Variants in ALMS1 observed in about 807,000 individuals in gnomAD.
ALMS1 encodes the protein centrosome-associated protein ALMS1.
Under a neutral mutation model 352.2 loss-of-function variants are expected in ALMS1, and 271 were observed. The ratio of observed to expected loss-of-function variants is 0.77; its 90% CI spans 0.70 to 0.85. The LOEUF is 0.85. Among genes scored for constraint, ALMS1 ranks in the 40% least tolerant of loss-of-function variants. ALMS1 has a pLI of 0.00. For synonymous variants in ALMS1, 1,865 were observed against 1,761.2 expected (o/e 1.06, Z -1.48); for missense variants, 5,445 against 4,870.7 (o/e 1.12, Z -3.51).
chr2:73,576,730 C>T (rs942443034), intron 16 of ALMS1, among the ~76,000 whole-genome samples: 2 of 151,918 alleles, frequency 1.3e-5, no homozygotes, highest in East Asian at 1.9e-4. Context: ...AACCAATTCT[C>T]CTGCTTCAGC....
intron 16 of ALMS1, among the ~76,000 whole-genome samples, chr2:73,592,643 G>T (rs1276445016): frequency 6.6e-6 from 1 of 152,158 alleles, no homozygotes; most frequent in Non-Finnish European, 1.5e-5. Context: ...CAATCCTCCT[G>T]CCTGAAGAAT....
At chr2:73,573,477 T>C (rs1228900066) in intron 16 of ALMS1, 53 bp downstream of exon 16, 3 of 1,588,976 alleles carry the variant, frequency 1.9e-6, no homozygotes, top group Non-Finnish European at 2.6e-6. Flanking sequence ...TCATGGACTT[T>C]TTAGTTAAGC....
chr2:73,409,811 G>T (rs572553179), intron 2 of ALMS1, among the ~76,000 whole-genome samples: 2 of 152,308 alleles, frequency 1.3e-5, no homozygotes, highest in East Asian at 1.9e-4. Flanking sequence ...TGAAGACTGA[G>T]AAGTCCCAAG....
chr2:73,464,032 A>T (rs1672268815), intron 9 of ALMS1, among the ~76,000 whole-genome samples: 1 of 152,238 alleles, frequency 6.6e-6, no homozygotes, highest in Admixed American at 6.5e-5. Context: ...AGGAGCTGGT[A>T]CCATTCCTTC....
chr2:73,543,747 C>G (rs1232985105), intron 12 of ALMS1, among the ~76,000 whole-genome samples: 2 of 152,220 alleles, frequency 1.3e-5, no homozygotes, highest in East Asian at 1.9e-4. Flanking sequence ...ATTTATGCAG[C>G]CAACAGACAT....
chr2:73,432,402 T>C lies in ALMS1; in HGVS notation c.1432+111T>C. On this transcript the variant is annotated intron_variant, in intron 7 of 22. Transcript: ENST00000613296. ...TTTTAATATCTATAATAATTATACT[T>C]CAGATTAGATGTGTTTATAAATCCT... 2.2e-5 allele frequency: 16 copies of C among 728,466 alleles called. No individual in the cohort carries two copies. In the South Asian group the frequency reaches 2.4e-4, roughly 11 times the overall value. 45.1% of individuals were successfully genotyped at this position (728,466 alleles called of 1,614,324 possible).
chr2:73,581,818 C>T (rs1440587818), intron 16 of ALMS1, among the ~76,000 whole-genome samples: 1 of 151,160 alleles, frequency 6.6e-6, no homozygotes, highest in Non-Finnish European at 1.5e-5. Context: ...AATCTCAGCT[C>T]ACTGCAACCT....
chr2:73,448,492 G>A lies in ALMS1; in HGVS notation c.1965G>A (p.Val655=), dbSNP rs1553403345. Residue 655 remains valine (V), a synonymous_variant, in exon 8 of 23, where the codon GTG becomes GTA. Transcript: ENST00000613296. ...AAGTTTCAGCTGCTCCTGGCCCAGT[G>A]GAGCAGAAGACGGGAATACCTACAG... ...PLEVSAAPGP[V]EQKTGIPTVS... 6.2e-7 allele frequency: 1 copy of A among 1,613,796 alleles called. No individual in the cohort carries two copies. The highest frequency in any genetic ancestry group is 2.2e-5 in the East Asian group (1 of 44,856).
intron 15 of ALMS1, among the ~76,000 whole-genome samples, chr2:73,567,318 C>A (rs1674824866): frequency 6.6e-6 from 1 of 152,202 alleles, no homozygotes; most frequent in African/African-American, 2.4e-5. Flanking sequence ...CCTCCTTGAA[C>A]CTTTATCACT....
intron 10 of ALMS1, among the ~76,000 whole-genome samples, chr2:73,503,162 T>C (rs1673251405): frequency 6.6e-6 from 1 of 152,082 alleles, no homozygotes; most frequent in Non-Finnish European, 1.5e-5. Context: ...GTTAGTTACA[T>C]GTGTATACAT....
chr2:73,552,464 G>A (rs538885242), intron 13 of ALMS1, among the ~76,000 whole-genome samples: 6 of 152,348 alleles, frequency 3.9e-5, no homozygotes, highest in Admixed American at 2.6e-4. Context: ...TCAGGTGAGT[G>A]TAGATGTGGA....
At chr2:73,586,802 G>A (rs1675322428) in intron 16 of ALMS1, among the ~76,000 whole-genome samples, 2 of 152,276 alleles carry the variant, frequency 1.3e-5, no homozygotes, top group Middle Eastern at 3.4e-3. Flanking sequence ...ATGGTATTTT[G>A]ATGGAAATTG....
chr2:73,587,084 T>C (rs1359726796), intron 16 of ALMS1, among the ~76,000 whole-genome samples: 1 of 152,220 alleles, frequency 6.6e-6, no homozygotes, highest in Non-Finnish European at 1.5e-5. Context: ...GCTTGGTCTT[T>C]GTTGGTGCAT....
chr2:73,580,429 T>C (rs1006232412), intron 16 of ALMS1, among the ~76,000 whole-genome samples: 1 of 152,246 alleles, frequency 6.6e-6, no homozygotes, highest in Non-Finnish European at 1.5e-5. Flanking sequence ...TTTGTCTTCA[T>C]TGATATTCTC....
At chr2:73,549,793 T>C (rs955674544) in intron 12 of ALMS1, among the ~76,000 whole-genome samples, 1 of 152,306 alleles carries the variant, frequency 6.6e-6, no homozygotes, top group Middle Eastern at 3.4e-3. Context: ...ACAACTTCAG[T>C]TTGACTGACG....
At chr2:73,395,077 TA>T (rs1466323331) in intron 1 of ALMS1, among the ~76,000 whole-genome samples, 4,238 of 86,002 alleles carry the variant, frequency 0.049, 524 homozygotes, top group African/African-American at 0.21. Flanking sequence ...TATATATATA[TA>T]TTTTTTTTTT....
chr2:73,461,569 G>T (rs185991686), intron 9 of ALMS1, among the ~76,000 whole-genome samples: 5 of 152,194 alleles, frequency 3.3e-5, no homozygotes, highest in African/African-American at 1.2e-4. Context: ...CCAAAGGAAC[G>T]CAGCTCCTCA....
intron 9 of ALMS1, among the ~76,000 whole-genome samples, chr2:73,460,257 C>G (rs1672160923): frequency 6.6e-6 from 1 of 152,092 alleles, no homozygotes; most frequent in Non-Finnish European, 1.5e-5. Context: ...TTATACCATT[C>G]CAGATATTTT....
intron 6 of ALMS1, among the ~76,000 whole-genome samples, chr2:73,427,325 G>C (rs138533122): frequency 6.6e-6 from 1 of 152,126 alleles, no homozygotes; most frequent in Non-Finnish European, 1.5e-5. Context: ...AGTGCTTAAC[G>C]TCCAAACTGG....
Sources: gnomAD v4.1 joint callset for allele counts (sites outside exome capture counted in the v4.1 genomes callset) on GRCh38, gnomAD v4.1.1 for gene constraint, MANE v1.5 for transcripts, NCBI Gene and HGNC (gene_info 2026-07-23, HGNC 2026-07-21) for gene names.